Variants in ZGRF1 observed in about 807,000 individuals in gnomAD.
ZGRF1 encodes 5'-3' DNA helicase ZGRF1.
ZGRF1 carries 196 observed loss-of-function variants against 203.5 expected under a neutral mutation model. The ratio of observed to expected loss-of-function variants is 0.96; its 90% CI spans 0.86 to 1.08. The LOEUF (loss-of-function observed/expected upper bound fraction) is 1.08, where lower values mean the gene tolerates loss of function less well. Among genes scored for constraint, ZGRF1 ranks in the 50% least tolerant of loss-of-function variants. The pLI, the probability that ZGRF1 is intolerant of heterozygous loss-of-function variation, is 0.00. For missense variants in ZGRF1, 2,326 were observed against 2,416.3 expected (o/e 0.96, Z 0.78); for synonymous variants, 809 against 841.3 (o/e 0.96, Z 0.66).
intron 22 of ZGRF1, among the ~76,000 whole-genome samples, chr4:112,553,173 C>T (rs1740273971): frequency 6.6e-6 from 1 of 152,226 alleles, no homozygotes; most frequent in African/African-American, 2.4e-5. Flanking sequence ...AAGCCAACAA[C>T]TTTCTTTTAC....
In ZGRF1 at chr4:112,613,281, G is replaced by A. The variant is rs143572041; in HGVS notation, c.2603-693C>T. Among the ~76,000 whole-genome samples the A allele has an allele frequency of 7.9e-5, 12 of 152,118 alleles. No individual in the cohort carries two copies. The East Asian group carries it at 1.9e-3, about 24-fold the overall frequency. ...TGCACTCCAGCCTGGGTGAGAGTGA[G>A]ACCATGTCTCAAACAAAAGAAAAAA... On this transcript the variant is annotated intron_variant, in intron 6 of 27. Transcript: ENST00000505019.
intron 3 of ZGRF1, among the ~76,000 whole-genome samples, chr4:112,630,878 T>A (rs1174663650): frequency 6.6e-6 from 1 of 150,886 alleles, no homozygotes; most frequent in Non-Finnish European, 1.5e-5. Context: ...CAGAGTGAGA[T>A]TCTGGCTCAA....
chr4:112,599,121 A>G (rs944839873), intron 10 of ZGRF1, among the ~76,000 whole-genome samples: 2 of 152,192 alleles, frequency 1.3e-5, no homozygotes, highest in African/African-American at 4.8e-5. Flanking sequence ...TTTTCTTAGT[A>G]TGTAAAGAGC....
chr4:112,558,713 T>A (rs1553982307), intron 19 of ZGRF1, among the ~76,000 whole-genome samples: 1 of 152,228 alleles, frequency 6.6e-6, no homozygotes, highest in Non-Finnish European at 1.5e-5. Context: ...CCCTCCTCCA[T>A]TTAATTAATT....
At chr4:112,615,016 A>G (rs2149140154) in intron 6 of ZGRF1, among the ~76,000 whole-genome samples, 1 of 152,332 alleles carries the variant, frequency 6.6e-6, no homozygotes, top group South Asian at 2.1e-4. Flanking sequence ...TTCTTTAAGC[A>G]GAAACATACA....
At chr4:112,574,970 G>A (rs1744877968) in intron 16 of ZGRF1, among the ~76,000 whole-genome samples, 1 of 151,136 alleles carries the variant, frequency 6.6e-6, no homozygotes, top group African/African-American at 2.4e-5. Context: ...AGACTGCAGT[G>A]AACCTAGATC....
chr4:112,575,124 G>C (rs1744907243), intron 16 of ZGRF1, among the ~76,000 whole-genome samples: 1 of 151,498 alleles, frequency 6.6e-6, no homozygotes, highest in Admixed American at 6.6e-5. Context: ...AAATTACATA[G>C]ACAATAAAAG....
chr4:112,554,629 C>T (rs1315855208), intron 21 of ZGRF1, 76 bp downstream of exon 21: 1 of 714,422 alleles, frequency 1.4e-6, no homozygotes, highest in East Asian at 2.8e-5. Context: ...AAAAATCAAA[C>T]TTAAGGTAAG....
At position 112,618,365 on chromosome 4, in the gene ZGRF1, C is replaced by A. The variant is rs1217299365; in HGVS notation, c.1677G>T (p.Trp559Cys). 2.5e-6 allele frequency: 4 copies of A among 1,613,820 alleles called. No individual in the cohort carries two copies. Among genetic ancestry groups the A allele is most frequent in the Non-Finnish European group, 3.4e-6 (4 of 1,179,904 alleles). Reference protein sequence around the residue: ...SNKISQDSESWVKDILVNDGN... With the variant: ...SNKISQDSESCVKDILVNDGN... The stretch of plus-strand genomic sequence containing the variant: ...CATCATTAACCAAAATGTCCTTTAC[C>A]CAACTCTCTGAATCCTGGGAAATTT... The change falls in exon 6 of 28, where the codon TGG becomes TGT. Residue 559 changes from tryptophan (W) to cysteine (C), a missense_variant. Transcript: ENST00000505019.
chr4:112,539,714 C>T lies in ZGRF1; in HGVS notation c.6173-25G>A, dbSNP rs1737159618. ...CCTTAAAAAAACATACGACATGAGA[C>T]AACTATTCTTTATTTTACAGAGGTC... On this transcript the variant is annotated intron_variant, in intron 27 of 27. Transcript: ENST00000505019. 6 of 1,582,338 alleles carry T rather than the reference C, an allele frequency of 3.8e-6. No individual in the cohort carries two copies. In the East Asian group the frequency reaches 1.1e-4, roughly 30 times the overall value.
intron 16 of ZGRF1, among the ~76,000 whole-genome samples, chr4:112,568,563 C>A (rs1242332923): frequency 1.3e-5 from 2 of 151,126 alleles, no homozygotes; most frequent in Admixed American, 6.6e-5. Flanking sequence ...ATAAAAAAAA[C>A]TAGCCAGGCA....
Position 112,618,884 on chromosome 4 carries a change from A to T in ZGRF1, c.1158T>A (p.Asn386Lys). ...ETYAEERKKY[N>K]VDQSVGNNDP... is the part of the protein sequence containing the mutation. Reference sequence around the variant, plus strand: ...CATTATTACCGACTGACTGGTCTACATTATACTTTTTCCTCTCTTCAGCAT... The same window carrying T: ...CATTATTACCGACTGACTGGTCTACTTTATACTTTTTCCTCTCTTCAGCAT... Residue 386 changes from asparagine (N) to lysine (K), a missense_variant, in exon 6 of 28, where the codon AAT (asparagine) becomes AAA (lysine). Asn to Lys is a moderately conservative substitution (Grantham distance 94). Transcript: ENST00000505019. 6.2e-7 allele frequency: 1 copy of T among 1,613,800 alleles called. No homozygotes were observed. The highest frequency in any genetic ancestry group is 1.3e-5 in the African/African-American group (1 of 75,048).
At chr4:112,629,818 A>T in intron 3 of ZGRF1, 1 of 163,536 alleles carries the variant, frequency 6.1e-6, no homozygotes, top group Non-Finnish European at 1.4e-5. Flanking sequence ...CAGGAGTTTG[A>T]GACCAGCCTG....
intron 19 of ZGRF1, among the ~76,000 whole-genome samples, chr4:112,559,437 C>T (rs1380072863): frequency 2.0e-5 from 3 of 152,018 alleles, no homozygotes; most frequent in African/African-American, 4.8e-5. Context: ...TGAGCTTAAG[C>T]GAGCTACCCT....
At chr4:112,623,981 G>A (rs1160352968) in intron 3 of ZGRF1, 105 bp from the exon 4 acceptor site, 9 of 644,534 alleles carry the variant, frequency 1.4e-5, no homozygotes, top group Admixed American at 1.2e-4. Flanking sequence ...ATCATATAAT[G>A]AAAGGATTAC....
intron 16 of ZGRF1, among the ~76,000 whole-genome samples, chr4:112,581,049 C>A (rs1302606447): frequency 6.6e-6 from 1 of 151,902 alleles, no homozygotes; most frequent in Non-Finnish European, 1.5e-5. Context: ...CAGTGATAGA[C>A]TGGATTAAGA....
rs778706691 is a variant in ZGRF1, at chr4:112,540,868, C to T, written c.5863G>A (p.Gly1955Ser). ...AATGTTATCACACCAATCATAGAGCCTGCTATTCCACTTGCAATCAGTGAT... is the reference window on the plus strand; with the variant it reads ...AATGTTATCACACCAATCATAGAGCTTGCTATTCCACTTGCAATCAGTGAT... ...IQSLIASGIAGSMIGVITLYK... is the reference protein window; with the variant it reads ...IQSLIASGIASSMIGVITLYK... The change falls in exon 26 of 28, where the codon GGC becomes AGC. Residue 1955 changes from glycine to serine, a missense_variant. Coordinates refer to ENST00000505019, the MANE Select transcript of ZGRF1 (RefSeq NM_018392.5). 1.9e-6 allele frequency: 3 copies of T among 1,593,364 alleles called. No individual in the cohort carries two copies. The highest frequency in any genetic ancestry group is 2.6e-6 in the Non-Finnish European group (3 of 1,168,770).
intron 22 of ZGRF1, among the ~76,000 whole-genome samples, chr4:112,550,333 T>TA (rs1433908986): frequency 1.3e-5 from 2 of 151,948 alleles, no homozygotes; most frequent in African/African-American, 2.4e-5. Context: ...AAAAAAGTTT[T>TA]AAAGGTAAAA....
chr4:112,543,064 T>C (rs1738010949), intron 24 of ZGRF1, among the ~76,000 whole-genome samples: 1 of 152,184 alleles, frequency 6.6e-6, no homozygotes, highest in Non-Finnish European at 1.5e-5. Context: ...TTTCTTTTAC[T>C]TTTAATAATT....
Sources: gnomAD v4.1 joint callset for allele counts (sites outside exome capture counted in the v4.1 genomes callset) on GRCh38, gnomAD v4.1.1 for gene constraint, MANE v1.5 for transcripts, NCBI Gene and HGNC (gene_info 2026-07-23, HGNC 2026-07-21) for gene names.